PCDH15: variants seen among roughly 807,000 people sequenced by gnomAD.
PCDH15 encodes the protein protocadherin related 15.
PCDH15 carries 129 observed loss-of-function variants against 178.5 expected under a neutral mutation model. That is an observed-to-expected ratio of 0.72 (90% CI 0.63 to 0.84). The LOEUF (loss-of-function observed/expected upper bound fraction) is 0.84, where lower values mean the gene tolerates loss of function less well. Among genes scored for constraint, PCDH15 ranks in the 40% least tolerant of loss-of-function variants. PCDH15 has a pLI of 0.00. For synonymous variants in PCDH15, 800 were observed against 732.0 expected (o/e 1.09, Z -1.50); for missense variants, 2,230 against 2,099.9 (o/e 1.06, Z -1.21).
At chr10:54,429,816 C>A (rs1956751533) in intron 3 of PCDH15, among the ~76,000 whole-genome samples, 1 of 152,070 alleles carries the variant, frequency 6.6e-6, no homozygotes, top group African/African-American at 2.4e-5. Flanking sequence ...GTACCCAATA[C>A]TGGAACACCC....
intron 3 of PCDH15, among the ~76,000 whole-genome samples, chr10:54,835,414 C>T (rs1384660158): frequency 1.3e-5 from 2 of 152,150 alleles, no homozygotes; most frequent in African/African-American, 4.8e-5. Context: ...CTCCATCTCT[C>T]TTTCTCATAC....
At chr10:54,680,767 T>C (rs1310356539) in intron 1 of PCDH15, among the ~76,000 whole-genome samples, 1 of 152,210 alleles carries the variant, frequency 6.6e-6, no homozygotes, top group Non-Finnish European at 1.5e-5. Flanking sequence ...CTCCTTCACC[T>C]TCTGCCATGA....
intron 2 of PCDH15, among the ~76,000 whole-genome samples, chr10:55,430,048 A>G (rs1838846368): frequency 6.6e-6 from 1 of 152,190 alleles, no homozygotes; most frequent in East Asian, 1.9e-4. Flanking sequence ...TGTTATAGGT[A>G]TGTAATATAG....
At chr10:55,224,772 A>T (rs1840980133) in intron 1 of PCDH15, among the ~76,000 whole-genome samples, 1 of 152,078 alleles carries the variant, frequency 6.6e-6, no homozygotes, top group African/African-American at 2.4e-5. Context: ...CTTGCGTGAT[A>T]TAACTCCTGT....
intron 2 of PCDH15, among the ~76,000 whole-genome samples, chr10:55,100,596 G>T (rs912075307): frequency 1.3e-5 from 2 of 152,146 alleles, no homozygotes; most frequent in Non-Finnish European, 2.9e-5. Flanking sequence ...ACTGTGTGCA[G>T]AGATCACATG....
chr10:54,144,955 C>T (rs2043766280), intron 14 of PCDH15, among the ~76,000 whole-genome samples: 1 of 152,050 alleles, frequency 6.6e-6, no homozygotes, highest in Non-Finnish European at 1.5e-5. Context: ...AGAATTTTTA[C>T]TTATCTATGT....
rs555909415 is a variant in PCDH15 at position 54,154,478 on chromosome 10, G to A, written c.1591-1185C>T. ...GTTTGCAGACTCCTTTGAAAATACAGTAAAGATGCTGGTATACCTTCCTTG... is the reference window on the plus strand; with the variant it reads ...GTTTGCAGACTCCTTTGAAAATACAATAAAGATGCTGGTATACCTTCCTTG... On this transcript the variant is annotated intron_variant, in intron 13 of 37. Transcript: ENST00000644397. 2.0e-5 allele frequency among the ~76,000 whole-genome samples: 3 copies of A among 152,166 alleles called. No homozygotes were observed. In the East Asian group the frequency reaches 5.8e-4, roughly 29 times the overall value.
At chr10:54,239,652 T>C (rs1017410348) in intron 8 of PCDH15, among the ~76,000 whole-genome samples, 2 of 151,978 alleles carry the variant, frequency 1.3e-5, no homozygotes, top group Non-Finnish European at 2.9e-5. Context: ...TAAATTATAG[T>C]ATTGAGAATA....
intron 2 of PCDH15, among the ~76,000 whole-genome samples, chr10:54,935,042 G>T (rs1837870680): frequency 6.7e-6 from 1 of 150,260 alleles, no homozygotes; most frequent in Non-Finnish European, 1.5e-5. Context: ...AGAACACATG[G>T]ACACAGGAAG....
chr10:53,822,708 G>C, intron 32 of PCDH15: 1 of 1,614,080 alleles, frequency 6.2e-7, no homozygotes, highest in Non-Finnish European at 8.5e-7. Context: ...AGTTGGCAAA[G>C]TGGAGAATGA....
chr10:54,806,296 T>C (rs1952776607), intron 3 of PCDH15, among the ~76,000 whole-genome samples: 1 of 152,156 alleles, frequency 6.6e-6, no homozygotes, highest in South Asian at 2.1e-4. Flanking sequence ...ATCCCAATTT[T>C]AGTAGCTTGA....
At chr10:54,977,299 A>C (rs1345745005) in intron 2 of PCDH15, among the ~76,000 whole-genome samples, 1 of 152,194 alleles carries the variant, frequency 6.6e-6, no homozygotes, top group Non-Finnish European at 1.5e-5. Flanking sequence ...GACACAGGTC[A>C]TAAGATACAG....
intron 9 of PCDH15, among the ~76,000 whole-genome samples, chr10:54,221,654 G>T (rs2052829136): frequency 6.6e-6 from 1 of 150,578 alleles, no homozygotes; most frequent in Admixed American, 6.6e-5. Flanking sequence ...CTAGTCTGGA[G>T]TGCAATGGTG....
chr10:55,610,273 C>A (rs1843338867), intron 2 of PCDH15, among the ~76,000 whole-genome samples: 1 of 152,026 alleles, frequency 6.6e-6, no homozygotes, highest in Admixed American at 6.6e-5. Context: ...TGCATGAGGG[C>A]CATTAAATTT....
intron 18 of PCDH15, among the ~76,000 whole-genome samples, chr10:54,036,242 CAG>C (rs1250050877): frequency 6.6e-6 from 1 of 151,978 alleles, no homozygotes; most frequent in Non-Finnish European, 1.5e-5. Context: ...GCTAAAAAAA[CAG>C]ATTTCCAATG....
chr10:54,506,117 C>CATCT (rs1302552320), intron 3 of PCDH15, among the ~76,000 whole-genome samples: 1 of 152,070 alleles, frequency 6.6e-6, no homozygotes, highest in Non-Finnish European at 1.5e-5. Context: ...GTTCATGAAT[C>CATCT]AGATCAGCTC....
intron 2 of PCDH15, among the ~76,000 whole-genome samples, chr10:55,038,274 AC>A (rs1840784093): frequency 1.3e-5 from 2 of 152,168 alleles, no homozygotes; most frequent in Admixed American, 1.3e-4. Context: ...AAATAAGAAA[AC>A]TTTTATTTTC....
chr10:55,492,072 T>C (rs1316866399), intron 2 of PCDH15, among the ~76,000 whole-genome samples: 1 of 151,520 alleles, frequency 6.6e-6, no homozygotes, highest in Non-Finnish European at 1.5e-5. Context: ...GATGGAGGAG[T>C]GACTACCAGG....
At chr10:55,541,434 A>C (rs1017222174) in intron 2 of PCDH15, among the ~76,000 whole-genome samples, 5 of 151,968 alleles carry the variant, frequency 3.3e-5, no homozygotes, top group Non-Finnish European at 7.4e-5. Flanking sequence ...ATTAAGGAAG[A>C]AAAATAGATT....
Sources: allele counts gnomAD v4.1 joint callset (sites outside exome capture counted in the v4.1 genomes callset), GRCh38; gene constraint gnomAD v4.1.1; transcripts MANE v1.5; gene names NCBI Gene and HGNC (gene_info 2026-07-23, HGNC 2026-07-21).